The following RNF144A variants were observed in gnomAD, a reference collection of about 807,000 sequenced individuals.
RNF144A encodes ring finger protein 144A, also known as E3 ubiquitin-protein ligase RNF144A.
A neutral mutation model predicts 38.7 loss-of-function variants in RNF144A; 11 were observed. The observed-to-expected ratio is 0.28, with a 90% CI of 0.18 to 0.47. The LOEUF is 0.47. RNF144A is among the 20% of genes least tolerant of loss of function. The probability of loss-of-function intolerance (pLI) is 0.99; values close to 1 mark genes in which losing one functional copy is unlikely to be tolerated. For synonymous variants in RNF144A, 149 were observed against 143.9 expected, an observed-to-expected ratio of 1.04 and a Z score of -0.25; for missense variants, 316 against 377.2, an observed-to-expected ratio of 0.84 and a Z score of 1.34.
intron 3 of RNF144A, among the ~76,000 whole-genome samples, chr2:7,011,890 A>G (rs1670841823): frequency 6.6e-6 from 1 of 152,216 alleles, no homozygotes; most frequent in South Asian, 2.1e-4. Context: ...TATTCCCAGA[A>G]CATAATCCTT....
intron 2 of RNF144A, among the ~76,000 whole-genome samples, chr2:6,990,567 A>ACACT (rs1669295835): frequency 1.6e-5 from 1 of 60,752 alleles, no homozygotes; most frequent in Non-Finnish European, 3.5e-5. Context: ...ATTGCTACAC[A>ACACT]CACAAACACA....
chr2:7,032,894 G>T (rs1034884873), intron 8 of RNF144A, among the ~76,000 whole-genome samples: 28 of 152,224 alleles, frequency 1.8e-4, no homozygotes, highest in African/African-American at 6.8e-4. Context: ...CTGCCAGGAG[G>T]CTGCATTCCT....
chr2:6,974,092 C>A (rs866517671), intron 2 of RNF144A, among the ~76,000 whole-genome samples: 1 of 152,128 alleles, frequency 6.6e-6, no homozygotes, highest in African/African-American at 2.4e-5. Context: ...ATCTTAGATT[C>A]GTCATTTACC....
In RNF144A at chr2:6,941,740, A is replaced by G. The variant is rs771307; in HGVS notation, c.-12+593A>G. Among the ~76,000 whole-genome samples the G allele has an allele frequency of 0.08, 12,207 of 152,350 alleles. 1,641 individuals carry two copies. The highest frequency in any genetic ancestry group is 0.28 in the African/African-American group (11,626 of 41,568). ...AAGTGGAGTGGTCAGGGAGGTCTCT[A>G]AAGGTGAAATTGAACATGCACTTTA... On this transcript the variant is annotated intron_variant, in intron 2 of 8. Coordinates refer to ENST00000320892, the MANE Select transcript of RNF144A (RefSeq NM_014746.6). The surrounding 1 kb of genome is among the most constrained non-coding windows in gnomAD (Gnocchi z 6.5).
chr2:6,931,669 T>A (rs2103280767), intron 1 of RNF144A, among the ~76,000 whole-genome samples: 1 of 152,376 alleles, frequency 6.6e-6, no homozygotes, highest in South Asian at 2.1e-4. Flanking sequence ...AAATTTATGG[T>A]GAAAATGCCA....
chr2:6,985,867 G>A (rs1668925500), intron 2 of RNF144A, among the ~76,000 whole-genome samples: 1 of 152,088 alleles, frequency 6.6e-6, no homozygotes, highest in African/African-American at 2.4e-5. Flanking sequence ...GTAGAGGCGG[G>A]GTTTCACCGT....
intron 1 of RNF144A, among the ~76,000 whole-genome samples, chr2:6,936,815 A>G (rs376438212): frequency 2.0e-5 from 3 of 150,642 alleles, no homozygotes; most frequent in Non-Finnish European, 4.4e-5. Flanking sequence ...ATCCTTCAGT[A>G]TATCAGATTT....
chr2:6,973,410 G>A (rs192426605), intron 2 of RNF144A, among the ~76,000 whole-genome samples: 161 of 152,190 alleles, frequency 1.1e-3, no homozygotes, highest in Non-Finnish European at 1.9e-3. Context: ...TGTGTATATC[G>A]GCATGTAAGG....
rs1673022276 is a variant in RNF144A, at chr2:7,041,206, A to G, written c.*1446A>G. 2 of 984,906 alleles carry G rather than the reference A, an allele frequency of 2.0e-6. No individual in the cohort carries two copies. The highest frequency in any genetic ancestry group is 1.2e-6 in the Non-Finnish European group (1 of 829,512). 61.0% of individuals were successfully genotyped at this position (984,906 alleles called of 1,614,324 possible). A position where few individuals can be genotyped will look rare whatever the true frequency, so the allele number is the denominator to read the frequency against. ...TAAAGAAGTAAAACAAAATCCTTTT[A>G]TCTCAGTTATTTGCCCATCACAAGC... On this transcript the variant is annotated 3_prime_UTR_variant, in exon 9 of 9. Coordinates refer to ENST00000320892, the MANE Select transcript of RNF144A (RefSeq NM_014746.6).
intron 5 of RNF144A, among the ~76,000 whole-genome samples, chr2:7,019,487 T>G (rs1558437120): frequency 6.6e-6 from 1 of 152,310 alleles, no homozygotes; most frequent in East Asian, 1.9e-4. Flanking sequence ...AAGTCGTCTC[T>G]GAAACTCAGT....
chr2:7,063,077 G>A (rs1485327831), intron 6 of RNF144A, among the ~76,000 whole-genome samples: 1 of 151,256 alleles, frequency 6.6e-6, no homozygotes, highest in East Asian at 1.9e-4. Flanking sequence ...AGGACACCTA[G>A]TCTGAATGCT....
intron 1 of RNF144A, among the ~76,000 whole-genome samples, chr2:6,923,670 C>A (rs116017849): frequency 6.6e-6 from 1 of 152,198 alleles, no homozygotes; most frequent in Admixed American, 6.5e-5. Flanking sequence ...TGGAGCCGCA[C>A]GGAGCAGAAC....
chr2:6,987,680 G>T (rs1033413466), intron 2 of RNF144A, among the ~76,000 whole-genome samples: 1 of 152,172 alleles, frequency 6.6e-6, no homozygotes, highest in Non-Finnish European at 1.5e-5. Context: ...TCCACTTGGT[G>T]CCAGTCTGTG....
chr2:7,069,337 A>G (rs1336240175), downstream of RNF144A, among the ~76,000 whole-genome samples: 1 of 152,204 alleles, frequency 6.6e-6, no homozygotes, highest in Non-Finnish European at 1.5e-5. Flanking sequence ...CAACAAATTA[A>G]TCCTATTTTG....
intron 3 of RNF144A, among the ~76,000 whole-genome samples, chr2:6,997,352 T>C (rs1300714160): frequency 2.0e-5 from 3 of 152,238 alleles, no homozygotes; most frequent in Admixed American, 1.3e-4. Context: ...TTCTCCTTGC[T>C]ACACAGCAAA....
intron 2 of RNF144A, among the ~76,000 whole-genome samples, chr2:6,994,158 A>G (rs1403781244): frequency 6.6e-6 from 1 of 152,128 alleles, no homozygotes; most frequent in African/African-American, 2.4e-5. Flanking sequence ...GCCCGACAGA[A>G]CTTGTACCCA....
chr2:7,009,129 ACACAGCATG>A (rs759486205), intron 3 of RNF144A, among the ~76,000 whole-genome samples: 70 of 152,240 alleles, frequency 4.6e-4, no homozygotes, highest in Admixed American at 1.3e-3. Context: ...GGAGACCCAT[ACACAGCATG>A]CGGGCTGGAA....
At chr2:7,019,440 G>C (rs1208106522) in intron 5 of RNF144A, among the ~76,000 whole-genome samples, 2 of 152,214 alleles carry the variant, frequency 1.3e-5, no homozygotes, top group African/African-American at 4.8e-5. Context: ...GCCAGTCACA[G>C]GGCCCAGACA....
chr2:6,949,128 A>C (rs78169687), intron 2 of RNF144A, among the ~76,000 whole-genome samples: 4,933 of 152,278 alleles, frequency 0.032, 268 homozygotes, highest in African/African-American at 0.11. Flanking sequence ...AAGTCAGCCC[A>C]AGAGAGTGTA....
Sources: gnomAD v4.1 joint callset for allele counts (sites outside exome capture counted in the v4.1 genomes callset) on GRCh38, gnomAD v4.1.1 for gene constraint, Gnocchi (gnomAD v3.1) non-coding constraint, MANE v1.5 for transcripts, NCBI Gene and HGNC (gene_info 2026-07-23, HGNC 2026-07-21) for gene names.